The following USP15 variants were observed in gnomAD, a reference collection of about 807,000 sequenced individuals.
USP15 encodes the protein ubiquitin carboxyl-terminal hydrolase 15.
In USP15, 18 loss-of-function variants were observed where a neutral mutation model predicts 127.1. The observed-to-expected ratio is 0.14, with a 90% CI of 0.10 to 0.21. The LOEUF (loss-of-function observed/expected upper bound fraction) is 0.21, where lower values mean the gene tolerates loss of function less well. USP15 is among the 10% of genes least tolerant of loss of function. The pLI is 1.00. For missense variants in USP15, 805 were observed against 1,159.9 expected, an observed-to-expected ratio of 0.69 and a Z score of 4.44; for synonymous variants, 364 against 393.7, an observed-to-expected ratio of 0.92 and a Z score of 0.89.
chr12:62,263,249 T>G (rs2063115178), intron 1 of USP15, among the ~76,000 whole-genome samples: 1 of 152,180 alleles, frequency 6.6e-6, no homozygotes, highest in South Asian at 2.1e-4. Flanking sequence ...TGTCGTGGCA[T>G]ATGTATGTAA....
rs188111980 is a variant in USP15, at chr12:62,327,270, C to T, written c.683+1337C>T. 2.6e-5 allele frequency among the ~76,000 whole-genome samples: 4 copies of T among 151,750 alleles called. No homozygotes were observed. The East Asian group carries it at 7.7e-4, about 29-fold the overall frequency. On this transcript the variant is annotated intron_variant, in intron 6 of 21. Coordinates refer to ENST00000280377, the MANE Select transcript of USP15 (RefSeq NM_001252078.2). ...AGAAGGCACCTAAATATGTTAATTA[C>T]ATGGAGGTGATTTTTATTCTTACCC...
intron 3 of USP15, chr12:62,304,950 A>G (rs2064434861): frequency 8.6e-6 from 2 of 233,578 alleles, no homozygotes; most frequent in Admixed American, 1.0e-4. Context: ...TAAAATTATT[A>G]GACCAAACAG....
chr12:62,406,766 C>A lies in USP15; in HGVS notation c.*2391C>A, dbSNP rs369352532. On this transcript the variant is annotated 3_prime_UTR_variant, in exon 22 of 22. Coordinates refer to ENST00000280377, the MANE Select transcript of USP15 (RefSeq NM_001252078.2). ...CTTGAGCCCAGGAGTTTGAGACCAG[C>A]CTGAGTAACATAGTGAGAACCTCAT... The A allele has an allele frequency of 2.6e-5, 4 of 152,196 alleles. No homozygotes were observed. The East Asian group carries it at 7.7e-4, about 29-fold the overall frequency. The allele number at this position is 152,196 out of a possible 1,614,324, so 9.4% of individuals were successfully genotyped here.
intron 3 of USP15, 72 bp downstream of exon 3, chr12:62,302,992 G>T (rs1013672217): frequency 9.0e-5 from 136 of 1,506,540 alleles, no homozygotes; most frequent in Admixed American, 2.6e-4. Context: ...TTAATTCAAT[G>T]AATTGTGAAG....
chr12:62,319,401 A>G (rs767244261), intron 4 of USP15, among the ~76,000 whole-genome samples: 1 of 152,008 alleles, frequency 6.6e-6, no homozygotes, highest in Non-Finnish European at 1.5e-5. Context: ...GTTCTTCACT[A>G]CCAGCAAAAG....
intron 6 of USP15, among the ~76,000 whole-genome samples, chr12:62,337,897 T>C (rs1011834435): frequency 7.5e-4 from 115 of 152,346 alleles, no homozygotes; most frequent in African/African-American, 2.6e-3. Context: ...AGATTTGGGT[T>C]GGTTCCAATT....
In USP15 at chr12:62,396,368, A is replaced by G; in HGVS notation, c.2644A>G (p.Asn882Asp). ...CCGCTATAATCTGATTGCTGTTTCC[A>G]ACCACTATGGAGGGATGGGAGGAGG... ...PCRYNLIAVS[N>D]HYGGMGGGHY... The change falls in exon 20 of 22, where the codon AAC becomes GAC. Residue 882 changes from asparagine (N) to aspartate (D), a missense_variant. Asn to Asp is a conservative substitution (Grantham distance 23). Around this residue, in one of 11 missense-constraint regions of USP15, gnomAD observed 116 missense variants for 157.2 expected, o/e 0.74. Transcript: ENST00000280377. The G allele has an allele frequency of 6.2e-7, 1 of 1,612,260 alleles. No individual in the cohort carries two copies. Among genetic ancestry groups the G allele is most frequent in the Non-Finnish European group, 8.5e-7 (1 of 1,179,216 alleles).
intron 11 of USP15, among the ~76,000 whole-genome samples, chr12:62,387,952 A>G (rs2067204760): frequency 1.3e-5 from 2 of 152,104 alleles, no homozygotes; most frequent in East Asian, 1.9e-4. Flanking sequence ...CTTTCTTTCC[A>G]TGTGTTGCAA....
chr12:62,268,628 T>G (rs1459775187), intron 1 of USP15, among the ~76,000 whole-genome samples: 1 of 152,168 alleles, frequency 6.6e-6, no homozygotes, highest in Non-Finnish European at 1.5e-5. Flanking sequence ...TCTTAAAAAT[T>G]ACTGACTTTC....
At chr12:62,340,025 G>A (rs1449908883) in intron 6 of USP15, among the ~76,000 whole-genome samples, 1 of 152,076 alleles carries the variant, frequency 6.6e-6, no homozygotes, top group East Asian at 1.9e-4. Context: ...TGGGCCTTTT[G>A]TGGTTGGTAG....
chr12:62,316,899 T>C (rs1009873839), intron 4 of USP15, among the ~76,000 whole-genome samples: 3 of 152,130 alleles, frequency 2.0e-5, no homozygotes, highest in Admixed American at 6.5e-5. Context: ...TTAATCAACA[T>C]ATATACTAAT....
intron 6 of USP15, among the ~76,000 whole-genome samples, chr12:62,340,398 T>G (rs1264483389): frequency 6.6e-6 from 1 of 152,172 alleles, no homozygotes; most frequent in Non-Finnish European, 1.5e-5. Context: ...TCAGTTCTGC[T>G]CTGATCTTAG....
At position 62,408,090 on chromosome 12, in the gene USP15, T is replaced by G. The variant is rs889361581; in HGVS notation, c.*3715T>G. 1 of 152,206 alleles carries G rather than the reference T, an allele frequency of 6.6e-6. No individual in the cohort carries two copies. The highest frequency in any genetic ancestry group is 2.1e-4 in the South Asian group (1 of 4,816). 9.4% of individuals were successfully genotyped at this position (152,206 alleles called of 1,614,324 possible). A position where few individuals can be genotyped will look rare whatever the true frequency, so the allele number is the denominator to read the frequency against. On this transcript the variant is annotated 3_prime_UTR_variant, in exon 22 of 22. Transcript: ENST00000280377. ...TGGTGGGGTTTTTTATGAACTAATT[T>G]GATTGAAGTGAGTTTATCTTATAAA...
chr12:62,333,000 A>G (rs954809193), intron 6 of USP15, among the ~76,000 whole-genome samples: 3 of 151,994 alleles, frequency 2.0e-5, no homozygotes, highest in Non-Finnish European at 4.4e-5. Context: ...TTCTGTTTTT[A>G]TTTTTTTTAC....
intron 1 of USP15, among the ~76,000 whole-genome samples, chr12:62,281,739 T>G (rs965639457): frequency 2.6e-5 from 4 of 152,158 alleles, no homozygotes; most frequent in African/African-American, 9.7e-5. Flanking sequence ...GAAGATAGTA[T>G]TGAAAGCAAT....
At chr12:62,364,321 A>C (rs2137490688) in intron 8 of USP15, among the ~76,000 whole-genome samples, 1 of 152,348 alleles carries the variant, frequency 6.6e-6, no homozygotes. Flanking sequence ...AAGATTGCTC[A>C]GCAGTATTGA....
At chr12:62,320,905 T>G (rs1333961095) in intron 4 of USP15, among the ~76,000 whole-genome samples, 1 of 152,158 alleles carries the variant, frequency 6.6e-6, no homozygotes, top group East Asian at 1.9e-4. Context: ...GTAAATTGAT[T>G]TAGAAATCAG....
At position 62,391,479 on chromosome 12, in the gene USP15, A is replaced by AT. The variant is rs537022916; in HGVS notation, c.2233+60dup. 4,852 of 1,344,824 alleles carry AT rather than the reference A, an allele frequency of 3.6e-3. 11 individuals are homozygous for AT. The highest frequency in any genetic ancestry group is 0.018 in the South Asian group (1,230 of 67,560). The allele number at this position is 1,344,824 out of a possible 1,614,324, so 83.3% of individuals were successfully genotyped here. On this transcript the variant is annotated intron_variant, in intron 16 of 21. Coordinates refer to ENST00000280377, the MANE Select transcript of USP15 (RefSeq NM_001252078.2). Reference sequence around the variant, plus strand: ...GAACATTAAACAAGCCGAGCATGTTATTTTTTTTTTAGGTGAAAACCATGA... The same window carrying AT: ...GAACATTAAACAAGCCGAGCATGTTATTTTTTTTTTTAGGTGAAAACCATGA...
At chr12:62,365,090 G>T (rs2066435031) in intron 8 of USP15, among the ~76,000 whole-genome samples, 1 of 152,092 alleles carries the variant, frequency 6.6e-6, no homozygotes, top group Non-Finnish European at 1.5e-5. Flanking sequence ...GGATTGCTGG[G>T]TCAAATGGTA....
Sources: allele counts gnomAD v4.1 joint callset (sites outside exome capture counted in the v4.1 genomes callset), GRCh38; gene constraint gnomAD v4.1.1; regional missense constraint gnomAD v4.1.1; transcripts MANE v1.5; gene names NCBI Gene and HGNC (gene_info 2026-07-23, HGNC 2026-07-21).